NECAB1: variants seen among roughly 807,000 people sequenced by gnomAD.
The protein encoded by NECAB1 is N-terminal EF-hand calcium-binding protein 1.
Under a neutral mutation model 57.5 loss-of-function variants are expected in NECAB1, and 29 were observed. The ratio of observed to expected loss-of-function variants is 0.50; its 90% CI spans 0.38 to 0.69. The LOEUF is 0.69. NECAB1 is among the 30% of genes least tolerant of loss of function. The probability of loss-of-function intolerance (pLI) is 0.00; values close to 1 mark genes in which losing one functional copy is unlikely to be tolerated. For synonymous variants in NECAB1, 142 were observed against 147.7 expected (o/e 0.96, Z 0.28); for missense variants, 372 against 413.8 (o/e 0.90, Z 0.88).
At chr8:90,949,196 G>A (rs1409529087) in intron 10 of NECAB1, among the ~76,000 whole-genome samples, 3 of 113,736 alleles carry the variant, frequency 2.6e-5, no homozygotes, top group African/African-American at 1.0e-4. Flanking sequence ...GTGTGTGTGT[G>A]TCAGAGGGAG....
chr8:90,853,290 C>T (rs1314061675), intron 3 of NECAB1, among the ~76,000 whole-genome samples: 1 of 152,248 alleles, frequency 6.6e-6, no homozygotes, highest in East Asian at 1.9e-4. Context: ...CTCTCACATG[C>T]TCTCTCCCAC....
At chr8:90,797,073 C>T (rs887358153) in intron 1 of NECAB1, among the ~76,000 whole-genome samples, 10 of 152,176 alleles carry the variant, frequency 6.6e-5, no homozygotes, top group Non-Finnish European at 1.5e-4. Flanking sequence ...GTCTCCCTGA[C>T]TCTCAGCTGG....
Position 90,951,165 on chromosome 8 carries a change from T to C in NECAB1, c.991T>C (p.Leu331=), listed in dbSNP as rs369372783. The C allele has an allele frequency of 3.3e-5, 53 of 1,604,428 alleles. No individual in the cohort carries two copies. Among genetic ancestry groups the C allele is most frequent in the African/African-American group, 4.0e-5 (3 of 74,206 alleles). ...KTFQRSNVDF[L]ETPELTSTML... is the part of the protein sequence containing the mutation. Reference sequence around the variant, plus strand: ...ATTCCAAAGAAGTAATGTGGATTTCTTGGAAACTCCAGAACTCACATCTAC... The same window carrying C: ...ATTCCAAAGAAGTAATGTGGATTTCCTGGAAACTCCAGAACTCACATCTAC... Residue 331 remains leucine (L), a synonymous_variant, in exon 12 of 13, where the codon TTG becomes CTG. Transcript: ENST00000417640.
intron 3 of NECAB1, among the ~76,000 whole-genome samples, chr8:90,867,956 G>C (rs1808551521): frequency 6.6e-6 from 1 of 152,192 alleles, no homozygotes; most frequent in Admixed American, 6.5e-5. Context: ...AATGTTGGGA[G>C]AGAAACCTGG....
At chr8:90,821,951 T>C (rs1812150826) in intron 2 of NECAB1, among the ~76,000 whole-genome samples, 1 of 151,834 alleles carries the variant, frequency 6.6e-6, no homozygotes, top group Admixed American at 6.6e-5. Flanking sequence ...CTCTGCTGCC[T>C]CCATCTCAAA....
intron 3 of NECAB1, among the ~76,000 whole-genome samples, chr8:90,831,318 G>A (rs990030729): frequency 1.3e-5 from 2 of 152,080 alleles, no homozygotes; most frequent in Non-Finnish European, 2.9e-5. Flanking sequence ...AATAGAACCA[G>A]GATGCTGTTT....
At chr8:90,833,091 A>G (rs1006261894) in intron 3 of NECAB1, among the ~76,000 whole-genome samples, 2 of 152,062 alleles carry the variant, frequency 1.3e-5, no homozygotes, top group Non-Finnish European at 2.9e-5. Context: ...GGGAGTTGCT[A>G]CAATGTAGAA....
chr8:90,821,425 A>T (rs1335714726), intron 2 of NECAB1, among the ~76,000 whole-genome samples: 1 of 151,740 alleles, frequency 6.6e-6, no homozygotes, highest in Non-Finnish European at 1.5e-5. Context: ...TTTCCTCTTC[A>T]TATCTAACTC....
intron 1 of NECAB1, among the ~76,000 whole-genome samples, chr8:90,794,303 CTTTA>C (rs1420159329): frequency 3.9e-5 from 6 of 152,102 alleles, no homozygotes; most frequent in African/African-American, 9.7e-5. Flanking sequence ...ACATGCATCA[CTTTA>C]TTTATTTGAT....
At chr8:90,882,128 C>T (rs1048504114) in intron 5 of NECAB1, among the ~76,000 whole-genome samples, 2 of 152,038 alleles carry the variant, frequency 1.3e-5, no homozygotes, top group African/African-American at 4.8e-5. Flanking sequence ...ATAATTTAAG[C>T]AGAAATAAAA....
At chr8:90,852,240 C>T (rs1235999092) in intron 3 of NECAB1, among the ~76,000 whole-genome samples, 1 of 152,144 alleles carries the variant, frequency 6.6e-6, no homozygotes, top group Non-Finnish European at 1.5e-5. Flanking sequence ...CTGTTCTAAA[C>T]ATTCTATACT....
At chr8:90,803,188 C>T (rs180772999) in intron 2 of NECAB1, among the ~76,000 whole-genome samples, 1 of 152,294 alleles carries the variant, frequency 6.6e-6, no homozygotes, top group African/African-American at 2.4e-5. Flanking sequence ...TGGGCCACTG[C>T]ACCCGGCCCA....
At chr8:90,850,464 G>T (rs2129774457) in intron 3 of NECAB1, among the ~76,000 whole-genome samples, 1 of 152,286 alleles carries the variant, frequency 6.6e-6, no homozygotes, top group East Asian at 1.9e-4. Flanking sequence ...ATGTCAGAGA[G>T]GCCTGGGGAA....
At chr8:90,870,951 T>C (rs1016236925) in intron 3 of NECAB1, among the ~76,000 whole-genome samples, 6 of 152,082 alleles carry the variant, frequency 3.9e-5, no homozygotes, top group African/African-American at 1.5e-4. Flanking sequence ...TATGAAGATA[T>C]AATTTATCTA....
chr8:90,800,433 G>A (rs1811741827), intron 1 of NECAB1, among the ~76,000 whole-genome samples: 1 of 152,136 alleles, frequency 6.6e-6, no homozygotes, highest in Non-Finnish European at 1.5e-5. Context: ...GCTTTTGCCT[G>A]TTTAGTGTGA....
At chr8:90,907,915 AACT>A (rs1413708128) in intron 5 of NECAB1, among the ~76,000 whole-genome samples, 2 of 152,218 alleles carry the variant, frequency 1.3e-5, no homozygotes, top group Non-Finnish European at 2.9e-5. Flanking sequence ...CATATTTATA[AACT>A]ACTATTTTCC....
chr8:90,904,691 G>A (rs1388002835), intron 5 of NECAB1, among the ~76,000 whole-genome samples: 1 of 151,970 alleles, frequency 6.6e-6, no homozygotes. Context: ...AAAATTAGCA[G>A]AGAAGACAAA....
intron 5 of NECAB1, among the ~76,000 whole-genome samples, chr8:90,909,040 C>A (rs1241754966): frequency 6.6e-6 from 1 of 152,118 alleles, no homozygotes; most frequent in African/African-American, 2.4e-5. Flanking sequence ...TTACTGATTG[C>A]CAATCATGGT....
At chr8:90,804,716 G>C (rs796505695) in intron 2 of NECAB1, among the ~76,000 whole-genome samples, 6 of 152,068 alleles carry the variant, frequency 3.9e-5, no homozygotes, top group African/African-American at 1.4e-4. Flanking sequence ...TCTTCTCTCT[G>C]TCCACTTTTC....
Sources: allele counts gnomAD v4.1 joint callset (sites outside exome capture counted in the v4.1 genomes callset), GRCh38; gene constraint gnomAD v4.1.1; transcripts MANE v1.5; gene names NCBI Gene and HGNC (gene_info 2026-07-23, HGNC 2026-07-21).